SLC44A5: variants seen among roughly 807,000 people sequenced by gnomAD.
SLC44A5 encodes the protein choline transporter-like protein 5.
In SLC44A5, 57 loss-of-function variants were observed where a neutral mutation model predicts 101.8. That is an observed-to-expected ratio of 0.56 (90% CI 0.45 to 0.70). The LOEUF is 0.70. Ranked by LOEUF, SLC44A5 falls within the 30% of genes least tolerant of loss-of-function variation. The probability of loss-of-function intolerance (pLI) is 0.00; values close to 1 mark genes in which losing one functional copy is unlikely to be tolerated. For synonymous variants in SLC44A5, 281 were observed against 290.9 expected (o/e 0.97, Z 0.35); for missense variants, 737 against 853.1 (o/e 0.86, Z 1.70).
At chr1:75,209,126 A>G (rs1646804134) in intron 23 of SLC44A5, among the ~76,000 whole-genome samples, 1 of 152,214 alleles carries the variant, frequency 6.6e-6, no homozygotes, top group South Asian at 2.1e-4. Context: ...TCATGTCAAC[A>G]TGCAATACAC....
intron 3 of SLC44A5, among the ~76,000 whole-genome samples, chr1:75,365,765 A>G (rs1388306449): frequency 6.6e-6 from 1 of 152,142 alleles, no homozygotes; most frequent in African/African-American, 2.4e-5. Context: ...CTAGCAGTAT[A>G]CTTTGTTCTG....
chr1:75,496,158 AAAG>A, intron 2 of SLC44A5, among the ~76,000 whole-genome samples: 1 of 152,130 alleles, frequency 6.6e-6, no homozygotes, highest in East Asian at 1.9e-4. Flanking sequence ...CAATCTTGAG[AAAG>A]AAGAACAAAG....
At chr1:75,687,867 G>A in the SLC44A5 span, among the ~76,000 whole-genome samples, 1,368 of 152,254 alleles carry the variant, frequency 9.0e-3, 20 homozygotes, top group African/African-American at 0.031. Flanking sequence ...TAGCCCACTA[G>A]TATCACCTTT....
intron 2 of SLC44A5, among the ~76,000 whole-genome samples, chr1:75,482,714 T>C (rs1009731073): frequency 3.3e-5 from 5 of 152,194 alleles, no homozygotes; most frequent in Admixed American, 6.5e-5. Flanking sequence ...TTAACTTGTA[T>C]AGCAGATGAA....
intron 4 of SLC44A5, among the ~76,000 whole-genome samples, chr1:75,329,736 G>A (rs1229389394): frequency 1.3e-5 from 2 of 151,876 alleles, no homozygotes; most frequent in South Asian, 2.1e-4. Context: ...CACATATGCC[G>A]AGGCCCCTTC....
chr1:75,239,358 T>A (rs1648403264), intron 9 of SLC44A5, among the ~76,000 whole-genome samples: 1 of 152,118 alleles, frequency 6.6e-6, no homozygotes. Context: ...AACCACAATT[T>A]TAAAGGAAGA....
chr1:75,463,179 T>C (rs1301095067), intron 2 of SLC44A5, among the ~76,000 whole-genome samples: 1 of 152,122 alleles, frequency 6.6e-6, no homozygotes, highest in African/African-American at 2.4e-5. Flanking sequence ...CCCAGTACTT[T>C]GGAAGGCCGA....
At chr1:75,675,935 A>C in the SLC44A5 span, among the ~76,000 whole-genome samples, 1 of 152,240 alleles carries the variant, frequency 6.6e-6, no homozygotes, top group Non-Finnish European at 1.5e-5. Flanking sequence ...GTGGCTAACA[A>C]ACATATGAAA....
At chr1:75,404,011 T>C (rs1662681693) in intron 2 of SLC44A5, among the ~76,000 whole-genome samples, 1 of 151,810 alleles carries the variant, frequency 6.6e-6, no homozygotes, top group African/African-American at 2.4e-5. Context: ...ATAAATGACA[T>C]GATGGAGCTG....
intron 5 of SLC44A5, among the ~76,000 whole-genome samples, chr1:75,292,157 G>A (rs938088363): frequency 1.4e-4 from 21 of 152,034 alleles, no homozygotes; most frequent in African/African-American, 4.6e-4. Context: ...CCTGGTAAAG[G>A]TTCTGTTCAG....
intron 3 of SLC44A5, among the ~76,000 whole-genome samples, chr1:75,370,057 T>C (rs1160687119): frequency 6.6e-6 from 1 of 152,230 alleles, no homozygotes; most frequent in African/African-American, 2.4e-5. Flanking sequence ...CTAAGAGTAG[T>C]TCTGACTGAA....
At chr1:75,481,766 A>G (rs1667871861) in intron 2 of SLC44A5, among the ~76,000 whole-genome samples, 1 of 152,206 alleles carries the variant, frequency 6.6e-6, no homozygotes, top group African/African-American at 2.4e-5. Flanking sequence ...CAGGTGCTGG[A>G]GAAGATGTGG....
At chr1:75,585,826 A>G (rs1486615592) in intron 1 of SLC44A5, among the ~76,000 whole-genome samples, 2 of 152,162 alleles carry the variant, frequency 1.3e-5, no homozygotes, top group African/African-American at 2.4e-5. Context: ...GGGGACTCAT[A>G]AAATACAAAT....
the SLC44A5 span, among the ~76,000 whole-genome samples, chr1:75,706,169 C>CCTA: frequency 5.9e-5 from 9 of 152,126 alleles, no homozygotes; most frequent in African/African-American, 2.2e-4. Context: ...ATAAATTTCC[C>CCTA]CTAAGTCCAC....
At chr1:75,420,086 G>A (rs1339268578) in intron 2 of SLC44A5, among the ~76,000 whole-genome samples, 1 of 152,046 alleles carries the variant, frequency 6.6e-6, no homozygotes, top group Non-Finnish European at 1.5e-5. Context: ...AGAGGCCCAG[G>A]AGAAATGGCT....
chr1:75,355,254 T>G (rs1441870398), intron 3 of SLC44A5, among the ~76,000 whole-genome samples: 1 of 152,182 alleles, frequency 6.6e-6, no homozygotes, highest in African/African-American at 2.4e-5. Flanking sequence ...AAATACTGTA[T>G]AAAAATTATA....
At chr1:75,474,668 G>A (rs58831329) in intron 2 of SLC44A5, among the ~76,000 whole-genome samples, 20,585 of 152,078 alleles carry the variant, frequency 0.14, 1,528 homozygotes, top group African/African-American at 0.16. Flanking sequence ...GAATTATGTG[G>A]CTCAAACACA....
At chr1:75,587,737 C>G (rs915487679) in intron 1 of SLC44A5, among the ~76,000 whole-genome samples, 4 of 152,176 alleles carry the variant, frequency 2.6e-5, no homozygotes, top group Non-Finnish European at 5.9e-5. Flanking sequence ...AATGAAATGG[C>G]AACTTTCACA....
Position 75,544,523 on chromosome 1 carries a change from AC to A in SLC44A5, c.-69-3008del, listed in dbSNP as rs747802131. ...CATGTGCACACACACACACACACAC[AC>A]ACAACAAAATACTTTTGCTGAACCA... On this transcript the variant is annotated intron_variant, in intron 1 of 23. Transcript: ENST00000370859. 8.0e-4 allele frequency among the ~76,000 whole-genome samples: 121 copies of A among 151,356 alleles called. 1 individual carries two copies. Among genetic ancestry groups the A allele is most frequent in the East Asian group, 3.7e-3 (19 of 5,156 alleles).
Sources: allele counts gnomAD v4.1 joint callset (sites outside exome capture counted in the v4.1 genomes callset), GRCh38; gene constraint gnomAD v4.1.1; transcripts MANE v1.5; gene names NCBI Gene and HGNC (gene_info 2026-07-23, HGNC 2026-07-21).